The following DNAH12 variants were observed in gnomAD, a reference collection of about 807,000 sequenced individuals.
DNAH12 encodes the protein dynein axonemal heavy chain 12, also known as axonemal beta dynein heavy chain 12.
DNAH12 carries 285 observed loss-of-function variants against 371.5 expected under a neutral mutation model. The ratio of observed to expected loss-of-function variants is 0.77; its 90% confidence interval spans 0.70 to 0.85. The LOEUF (loss-of-function observed/expected upper bound fraction) is 0.85, where lower values mean the gene tolerates loss of function less well. Among genes scored for constraint, DNAH12 ranks in the 40% least tolerant of loss-of-function variants. DNAH12 has a pLI of 0.00. For missense variants in DNAH12, 3,611 were observed against 3,689.4 expected (o/e 0.98, Z 0.55); for synonymous variants, 1,200 against 1,213.0 (o/e 0.99, Z 0.22).
chr3:57,398,955 A>G (rs2063800149), intron 43 of DNAH12, among the ~76,000 whole-genome samples: 1 of 152,196 alleles, frequency 6.6e-6, no homozygotes, highest in Non-Finnish European at 1.5e-5. Flanking sequence ...CTAAAAAACA[A>G]AAACATGCCT....
intron 36 of DNAH12, among the ~76,000 whole-genome samples, chr3:57,420,487 A>T (rs1337946836): frequency 6.6e-6 from 1 of 152,190 alleles, no homozygotes; most frequent in Admixed American, 6.5e-5. Flanking sequence ...TTATATATGT[A>T]CATATTTTAC....
intron 29 of DNAH12, among the ~76,000 whole-genome samples, chr3:57,437,719 C>T (rs1206144152): frequency 2.0e-5 from 3 of 152,068 alleles, no homozygotes; most frequent in African/African-American, 7.3e-5. Flanking sequence ...TTCTCCCGAA[C>T]ATCCATGCTT....
At position 57,418,365 on chromosome 3, in the gene DNAH12, C is replaced by CAAA. The variant is rs57508616; in HGVS notation, c.5714+999_5714+1001dup. On this transcript the variant is annotated intron_variant, in intron 37 of 73. Coordinates refer to ENST00000495027, the MANE Select transcript of DNAH12 (RefSeq NM_001366028.2). ...GATGAGTCTGGGCAACCTGTCTCTA[C>CAAA]AAAAAAAAAAAAAAAAAAAAAAAAA... Among the ~76,000 whole-genome samples the CAAA allele has an allele frequency of 3.0e-4, 13 of 42,874 alleles. 1 individual carries two copies. Among genetic ancestry groups the CAAA allele is most frequent in the Middle Eastern group, 0.02 (1 of 50 alleles). 28.1% of individuals were successfully genotyped at this position (42,874 alleles called of 152,430 possible). A position where few individuals can be genotyped will look rare whatever the true frequency, so the allele number is the denominator to read the frequency against.
rs546757725 is a variant in DNAH12, at chr3:57,521,841, C to T, written c.279+1742G>A. 3.1e-3 allele frequency among the ~76,000 whole-genome samples: 475 copies of T among 152,120 alleles called. 2 individuals carry two copies. Among genetic ancestry groups the T allele is most frequent in the African/African-American group, 0.011 (446 of 41,488 alleles). ...GACAGAGGTAGCAGTGAGCCAAGAT[C>T]GCACCACTGCACGCCAGCCTAGCTG... On this transcript the variant is annotated intron_variant, in intron 4 of 73. Coordinates refer to ENST00000495027, the MANE Select transcript of DNAH12 (RefSeq NM_001366028.2).
intron 45 of DNAH12, among the ~76,000 whole-genome samples, chr3:57,390,622 C>G (rs2063603986): frequency 6.6e-6 from 1 of 150,574 alleles, no homozygotes; most frequent in Non-Finnish European, 1.5e-5. Flanking sequence ...AGTCCACATT[C>G]TATTGGGCAT....
Position 57,504,236 on chromosome 3 carries a change from A to C in DNAH12, c.898-32T>G, listed in dbSNP as rs779882131. ...GATATAAATCACTGTTACTTTAGAG[A>C]GTACAAATTCAACCTTTAACTAAAA... On this transcript the variant is annotated intron_variant, in intron 8 of 73. Transcript: ENST00000495027. 1.0e-5 allele frequency: 16 copies of C among 1,566,516 alleles called. No individual in the cohort carries two copies. In the African/African-American group the frequency reaches 1.9e-4, roughly 19 times the overall value.
the DNAH12 span, among the ~76,000 whole-genome samples, chr3:57,552,094 A>C: frequency 6.6e-6 from 1 of 152,006 alleles, no homozygotes; most frequent in Non-Finnish European, 1.5e-5. Flanking sequence ...AAATACAAAA[A>C]ATTAGCTGGG....
intron 55 of DNAH12, among the ~76,000 whole-genome samples, chr3:57,374,079 G>A (rs1433185105): frequency 1.3e-5 from 2 of 152,150 alleles, no homozygotes; most frequent in African/African-American, 4.8e-5. Context: ...AAGGCAGTGA[G>A]TGTGATATCC....
intron 58 of DNAH12, among the ~76,000 whole-genome samples, chr3:57,358,871 A>T (rs1575499546): frequency 6.6e-6 from 1 of 152,036 alleles, no homozygotes; most frequent in South Asian, 2.1e-4. Flanking sequence ...TACAACCTCC[A>T]CCTCCTGGGT....
At chr3:57,294,912 C>G (rs1312421640) in intron 73 of DNAH12, among the ~76,000 whole-genome samples, 3 of 152,080 alleles carry the variant, frequency 2.0e-5, no homozygotes, top group Non-Finnish European at 4.4e-5. Flanking sequence ...TCTGGGTGAT[C>G]AGTAAATATT....
chr3:57,516,283 C>T lies in DNAH12; in HGVS notation c.280-5304G>A, dbSNP rs566059360. On this transcript the variant is annotated intron_variant, in intron 4 of 73. Coordinates refer to ENST00000495027, the MANE Select transcript of DNAH12 (RefSeq NM_001366028.2). ...TTCACCATGTTGGTCAGGCTGGTCT[C>T]GAACTCCTGACCTTGTGATCCATCC... Among the ~76,000 whole-genome samples the T allele has an allele frequency of 3.0e-3, 452 of 151,446 alleles. 2 individuals carry two copies. Among genetic ancestry groups the T allele is most frequent in the Non-Finnish European group, 5.1e-3 (348 of 67,834 alleles).
At chr3:57,451,617 C>T (rs1204831965) in intron 25 of DNAH12, among the ~76,000 whole-genome samples, 3 of 152,110 alleles carry the variant, frequency 2.0e-5, no homozygotes, top group Non-Finnish European at 4.4e-5. Flanking sequence ...CCAGCCTGGG[C>T]GGCAGAGCGA....
At chr3:57,494,306 A>G (rs1483866996) in intron 11 of DNAH12, among the ~76,000 whole-genome samples, 2 of 152,010 alleles carry the variant, frequency 1.3e-5, no homozygotes, top group Non-Finnish European at 2.9e-5. Context: ...TAATCCTGGC[A>G]CTTTAGGAGG....
intron 2 of DNAH12, among the ~76,000 whole-genome samples, chr3:57,533,863 C>T (rs1312238464): frequency 6.6e-6 from 1 of 152,236 alleles, no homozygotes; most frequent in Non-Finnish European, 1.5e-5. Context: ...ACAGCACCTG[C>T]TGGTGTCTCA....
At chr3:57,295,680 AAAAG>A in intron 72 of DNAH12, 88 bp from the exon 73 acceptor site, 2 of 1,156,652 alleles carry the variant, frequency 1.7e-6, no homozygotes, top group East Asian at 2.7e-5. Context: ...GGCTTTTACT[AAAAG>A]AAAGGACTAG....
chr3:57,365,774 A>G (rs2063037073), intron 57 of DNAH12, among the ~76,000 whole-genome samples: 1 of 151,812 alleles, frequency 6.6e-6, no homozygotes, highest in Non-Finnish European at 1.5e-5. Flanking sequence ...TTTAAACAAA[A>G]TATCACCTAT....
intron 51 of DNAH12, 31 bp downstream of exon 51, chr3:57,380,247 C>T (rs928501827): frequency 6.6e-6 from 1 of 152,056 alleles, no homozygotes; most frequent in African/African-American, 2.4e-5. Context: ...AGCCAAGTCA[C>T]ATTTGTAGAA....
At chr3:57,444,396 T>C (rs1317055960) in intron 29 of DNAH12, among the ~76,000 whole-genome samples, 1 of 152,110 alleles carries the variant, frequency 6.6e-6, no homozygotes, top group Non-Finnish European at 1.5e-5. Context: ...TTCACCATAT[T>C]GGCCAGGTTG....
At chr3:57,297,215 T>C in intron 70 of DNAH12, 2 of 519,648 alleles carry the variant, frequency 3.8e-6, no homozygotes, top group Non-Finnish European at 6.8e-6. Context: ...GAAACATAGT[T>C]TGAAGAGTCA....
Sources: gnomAD v4.1 joint callset for allele counts (sites outside exome capture counted in the v4.1 genomes callset) on GRCh38, gnomAD v4.1.1 for gene constraint, MANE v1.5 for transcripts, NCBI Gene and HGNC (gene_info 2026-07-23, HGNC 2026-07-21) for gene names.